The following PAN2 variants were observed in gnomAD, a reference collection of about 807,000 sequenced individuals.
PAN2 encodes PAN2-PAN3 deadenylation complex catalytic subunit PAN2.
Under a neutral mutation model 133.3 loss-of-function variants are expected in PAN2, and 68 were observed. That is an observed-to-expected ratio of 0.51 (90% confidence interval 0.42 to 0.62). The LOEUF is 0.62. Ranked by LOEUF, PAN2 falls within the 20% of genes least tolerant of loss-of-function variation. The pLI is 0.00. For missense variants in PAN2, 1,042 were observed against 1,500.5 expected, an observed-to-expected ratio of 0.69 and a Z score of 5.05; for synonymous variants, 462 against 544.6, an observed-to-expected ratio of 0.85 and a Z score of 2.11.
chr12:56,322,597 C>T lies in PAN2; in HGVS notation c.2637+18G>A. On this transcript the variant is annotated intron_variant, in intron 18 of 25. Transcript: ENST00000440411. ...TGGCCATCCCAGGAGTGTTCCTGCC[C>T]TCTACAACCTCACTCACCTCCTTGC... 1 of 1,614,004 alleles carries T rather than the reference C, an allele frequency of 6.2e-7. No homozygotes were observed. Among genetic ancestry groups the T allele is most frequent in the Non-Finnish European group, 8.5e-7 (1 of 1,179,900 alleles).
intron 6 of PAN2, 133 bp downstream of exon 6, chr12:56,327,231 A>G (rs1875223175): frequency 3.0e-6 from 3 of 1,003,892 alleles, no homozygotes; most frequent in East Asian, 2.4e-5. Context: ...GCCAAACCCA[A>G]GTAAAACCTT....
intron 6 of PAN2, 146 bp from the exon 7 acceptor site, chr12:56,327,105 T>C: frequency 1.3e-6 from 1 of 765,434 alleles, no homozygotes; most frequent in Admixed American, 2.9e-5. Flanking sequence ...GTGCCTTCCA[T>C]AAACCACAGA....
Position 56,325,030 on chromosome 12 carries a change from G to A in PAN2, c.1578C>T (p.Ala526=). ...FAGLEPHIPN[A]YCNCMIQVLY... is the part of the protein sequence containing the mutation. ...TTACCTGGATCATGCAGTTACAGTA[G>A]GCGTTGGGAATGTGGGGCTCTAATC... Residue 526 remains alanine (A), a synonymous_variant, in exon 10 of 26, where the codon GCC becomes GCT. Transcript: ENST00000440411. The A allele has an allele frequency of 6.2e-7, 1 of 1,614,134 alleles. No individual in the cohort carries two copies.
intron 13 of PAN2, 35 bp downstream of exon 13, chr12:56,324,014 C>T (rs943485970): frequency 3.1e-6 from 5 of 1,613,184 alleles, no homozygotes; most frequent in Non-Finnish European, 4.2e-6. Context: ...GGGGAGCCTT[C>T]CCAACTGAGC....
rs548135225 is a variant in PAN2, at chr12:56,327,728, G to A, written c.652-97C>T. On this transcript the variant is annotated intron_variant, in intron 5 of 25. Coordinates refer to ENST00000440411, the MANE Select transcript of PAN2 (RefSeq NM_014871.6). Reference sequence around the variant, plus strand: ...TGGGGTCCCTACCAAAGGAACTAGGGCTTTAGGACAGGGAAAGTTAAAGCA... The same window carrying A: ...TGGGGTCCCTACCAAAGGAACTAGGACTTTAGGACAGGGAAAGTTAAAGCA... The A allele has an allele frequency of 1.1e-4, 151 of 1,400,556 alleles. 1 individual carries two copies. The African/African-American group carries it at 2.0e-3, about 19-fold the overall frequency. 86.8% of individuals were successfully genotyped at this position (1,400,556 alleles called of 1,614,324 possible). A position where few individuals can be genotyped will look rare whatever the true frequency, so the allele number is the denominator to read the frequency against.
Position 56,322,121 on chromosome 12 carries a change from A to G in PAN2, c.2745T>C (p.Leu915=), listed in dbSNP as rs772316809. 1.2e-6 allele frequency: 2 copies of G among 1,611,152 alleles called. No homozygotes were observed. The highest frequency in any genetic ancestry group is 4.5e-5 in the East Asian group (2 of 44,856). ...FDMNWKVPAI[L]YYVKRNLNSR... is the part of the protein sequence containing the mutation. ...AATTGAGATTCCGTTTGACATAATA[A>G]AGGATTGCAGGTACTTTCCAATTCA... is the stretch of plus-strand genomic sequence containing the variant. Residue 915 remains leucine, a synonymous_variant, in exon 20 of 26, where the codon CTT becomes CTC. Transcript: ENST00000440411.
At chr12:56,322,200 G>A in intron 19 of PAN2, 32 bp from the exon 20 acceptor site, 1 of 1,362,004 alleles carries the variant, frequency 7.3e-7, no homozygotes, top group Middle Eastern at 1.8e-4. Flanking sequence ...TATGGCTAAT[G>A]TATATCACCC....
intron 20 of PAN2, among the ~76,000 whole-genome samples, chr12:56,320,746 T>C (rs1044726118): frequency 3.4e-5 from 4 of 118,390 alleles, no homozygotes; most frequent in East Asian, 2.1e-4. Context: ...TTACAGCTGC[T>C]TTTTTTTTTT....
Position 56,324,114 on chromosome 12 carries a change from C to T in PAN2, c.2000G>A (p.Cys667Tyr). The T allele has an allele frequency of 6.2e-7, 1 of 1,614,146 alleles. No homozygotes were observed. The highest frequency in any genetic ancestry group is 8.5e-7 in the Non-Finnish European group (1 of 1,180,028). Residue 667 changes from cysteine (C) to tyrosine (Y), a missense_variant, in exon 13 of 26, where the codon TGC becomes TAC. Physicochemically the swap from Cys to Tyr is radical, Grantham distance 194. Coordinates refer to ENST00000440411, the MANE Select transcript of PAN2 (RefSeq NM_014871.6). ...TCGCACGGTCTCACTGCCACAGCGG[C>T]AGAGGCTGCAGTTCTCCATCTCACA... ...FSCEMENCSLCRCGSETVRAS... is the reference protein window; with the variant it reads ...FSCEMENCSLYRCGSETVRAS...
At position 56,322,699 on chromosome 12, in the gene PAN2, A is replaced by C. The variant is rs1874690291; in HGVS notation, c.2553T>G (p.Thr851=). ...HGVYVYDLMA[T]VVHILDSRTG... ...TGCGTGAGTCCAGGATGTGTACCAC[A>C]GTAGCCATCAGGTCATACACATAGA... The change falls in exon 18 of 26, where the codon ACT becomes ACG. Residue 851 remains threonine, a synonymous_variant. Transcript: ENST00000440411. 6.2e-7 allele frequency: 1 copy of C among 1,614,030 alleles called. No individual in the cohort carries two copies. The highest frequency in any genetic ancestry group is 1.3e-5 in the African/African-American group (1 of 74,916).
chr12:56,323,492 G>A lies in PAN2; in HGVS notation c.2271+8C>T, dbSNP rs1874790455. On this transcript the variant is annotated splice_region_variant and intron_variant, in intron 15 of 25. Coordinates refer to ENST00000440411, the MANE Select transcript of PAN2 (RefSeq NM_014871.6). ...TCCGGAAGCCTTGTTTCTAGTCTGA[G>A]TCCTTACCTCAGCCTGCATTCTCCA... 2 of 1,613,270 alleles carry A rather than the reference G, an allele frequency of 1.2e-6. No individual in the cohort carries two copies. Among genetic ancestry groups the A allele is most frequent in the Non-Finnish European group, 1.7e-6 (2 of 1,179,186 alleles).
At position 56,324,185 on chromosome 12, in the gene PAN2, G is replaced by C; in HGVS notation, c.1929C>G (p.Ser643Arg). The C allele has an allele frequency of 6.2e-7, 1 of 1,613,822 alleles. No individual in the cohort carries two copies. Among genetic ancestry groups the C allele is most frequent in the Non-Finnish European group, 8.5e-7 (1 of 1,180,024 alleles). Residue 643 changes from serine (S) to arginine (R), a missense_variant and splice_region_variant, in exon 13 of 26, where the codon AGC (serine) becomes AGG (arginine). Physicochemically the swap from Ser to Arg is moderately radical, Grantham distance 110. This residue lies in a region of PAN2 where 908 missense variants were observed against 1,223.5 expected (regional missense o/e 0.74). Coordinates refer to ENST00000440411, the MANE Select transcript of PAN2 (RefSeq NM_014871.6). Reference sequence around the variant, plus strand: ...CAGAGTCCCCCGATGAGCAAAAGCTGCTAAGAGTGGAGAGGATGATATATG... The same window carrying C: ...CAGAGTCCCCCGATGAGCAAAAGCTCCTAAGAGTGGAGAGGATGATATATG... ...IPQAYRGAGG[S>R]SFCSSGDSVI...
intron 6 of PAN2, among the ~76,000 whole-genome samples, 183 bp downstream of exon 6, chr12:56,327,181 A>C (rs1370675099): frequency 6.6e-6 from 1 of 152,120 alleles, no homozygotes; most frequent in African/African-American, 2.4e-5. Context: ...ACCTTTTTCC[A>C]TGTTCCTCAT....
chr12:56,324,895 A>G, intron 10 of PAN2, 114 bp downstream of exon 10: 3 of 1,402,502 alleles, frequency 2.1e-6, no homozygotes, highest in Non-Finnish European at 2.9e-6. Flanking sequence ...ATTGTAGAGG[A>G]GACCATGGTA....
rs1874830774 is a variant in PAN2 at position 56,323,815 on chromosome 12, G to T, written c.2164C>A (p.Gln722Lys). ...QAWCDTCEKYQPTIQTRNIRH... is the reference protein window; with the variant it reads ...QAWCDTCEKYKPTIQTRNIRH... ...TCCAACAGTCCACTCACCGTGGGCT[G>T]GTACTTTTCACAGGTGTCACACCAG... Residue 722 changes from glutamine (Q) to lysine (K), a missense_variant, in exon 14 of 26, where the codon CAG (glutamine) becomes AAG (lysine). Gln to Lys is a moderately conservative substitution (Grantham distance 53, BLOSUM62 1). This residue lies in a region of PAN2 where 908 missense variants were observed against 1,223.5 expected (regional missense o/e 0.74). Transcript: ENST00000440411. 2 of 1,610,184 alleles carry T rather than the reference G, an allele frequency of 1.2e-6. No homozygotes were observed. The highest frequency in any genetic ancestry group is 4.5e-5 in the East Asian group (2 of 44,858).
intron 2 of PAN2, among the ~76,000 whole-genome samples, chr12:56,329,071 G>C (rs1875444862): frequency 6.6e-6 from 1 of 152,084 alleles, no homozygotes; most frequent in African/African-American, 2.4e-5. Flanking sequence ...TTGAATTTTG[G>C]TATCTGGTAT....
In PAN2 at chr12:56,332,414, C is replaced by A. The variant is rs540961764; in HGVS notation, c.282+399G>T. Among the ~76,000 whole-genome samples the A allele has an allele frequency of 3.4e-4, 51 of 152,058 alleles. No individual in the cohort carries two copies. The South Asian group carries it at 0.01, about 31-fold the overall frequency. On this transcript the variant is annotated intron_variant, in intron 2 of 25. Transcript: ENST00000440411. The stretch of plus-strand genomic sequence containing the variant: ...CTCAGGAGTTTGAGACAAGCCTGGG[C>A]AACATAGTAAGACTAAAAAATTTTT...
chr12:56,317,682 TG>T, intron 25 of PAN2, 39 bp from the exon 26 acceptor site: 1 of 1,591,320 alleles, frequency 6.3e-7, no homozygotes, highest in Non-Finnish European at 8.6e-7. Flanking sequence ...TCAAGCTGAG[TG>T]GAGAAAAAGC....
In PAN2 at chr12:56,333,059, T is replaced by G. The variant is rs779071647; in HGVS notation, c.36A>C (p.Glu12Asp). Residue 12 changes from glutamate to aspartate, a missense_variant, in exon 2 of 26, where the codon GAA (glutamate) becomes GAC (aspartate). Glu to Asp is a conservative substitution (Grantham distance 45). Transcript: ENST00000440411. ...NFEGLDPGLA[E>D]YAPAMHSALD... ...GGGCAGAATGCATGGCTGGGGCATA[T>G]TCTGCCAGTCCAGGGTCCAGACCCT... 4.3e-6 allele frequency: 7 copies of G among 1,614,140 alleles called. No individual in the cohort carries two copies. In the South Asian group the frequency reaches 7.7e-5, roughly 18 times the overall value.
Sources: allele counts gnomAD v4.1 joint callset (sites outside exome capture counted in the v4.1 genomes callset), GRCh38; gene constraint gnomAD v4.1.1; regional missense constraint gnomAD v4.1.1; transcripts MANE v1.5; gene names NCBI Gene and HGNC (gene_info 2026-07-23, HGNC 2026-07-21).